Variants in PFKP observed in about 807,000 individuals in gnomAD.
PFKP encodes the protein ATP-dependent 6-phosphofructokinase, platelet type.
A neutral mutation model predicts 94.3 loss-of-function variants in PFKP; 101 were observed. The ratio of observed to expected loss-of-function variants is 1.07; its 90% confidence interval spans 0.91 to 1.26. PFKP has a LOEUF of 1.26. Among genes scored for constraint, PFKP ranks in the 50% most tolerant of loss-of-function variants. PFKP has a pLI of 0.00. For synonymous variants in PFKP, 573 were observed against 432.6 expected, an observed-to-expected ratio of 1.32 and a Z score of -4.03; for missense variants, 1,145 against 1,103.3, an observed-to-expected ratio of 1.04 and a Z score of -0.53.
chr10:3,083,935 G>A (rs778800365), intron 2 of PFKP, among the ~76,000 whole-genome samples: 9 of 152,132 alleles, frequency 5.9e-5, no homozygotes, highest in Non-Finnish European at 7.3e-5. Flanking sequence ...GAGCCGCCGC[G>A]CCCAGCCAAC....
intron 3 of PFKP, chr10:3,100,984 G>A (rs1308836150): frequency 6.2e-7 from 1 of 1,612,166 alleles, no homozygotes; most frequent in Non-Finnish European, 8.5e-7. Flanking sequence ...CCTTGTCCTG[G>A]CCGGCATGCT....
At chr10:3,093,747 C>T (rs1199062803) in intron 2 of PFKP, among the ~76,000 whole-genome samples, 1 of 149,414 alleles carries the variant, frequency 6.7e-6, no homozygotes, top group Non-Finnish European at 1.5e-5. Flanking sequence ...AGGTTCACGC[C>T]ATTCTCCCGC....
At chr10:3,078,491 A>C (rs1455687018) in intron 1 of PFKP, among the ~76,000 whole-genome samples, 2 of 152,166 alleles carry the variant, frequency 1.3e-5, no homozygotes, top group African/African-American at 4.8e-5. Context: ...CTTAGAACTA[A>C]ACAGTCTCCA....
intron 16 of PFKP, among the ~76,000 whole-genome samples, chr10:3,121,581 GTT>G (rs10528387): frequency 0.27 from 36,195 of 132,772 alleles, 4,559 homozygotes; most frequent in South Asian, 0.3. Context: ...ATAAATAACT[GTT>G]TTTTTTTTTT....
At chr10:3,101,091 T>A (rs55882340) in intron 3 of PFKP, 532,843 of 1,057,116 alleles carry the variant, frequency 0.5, 137,539 homozygotes, top group East Asian at 0.74. Context: ...GGCTGGTTCC[T>A]GCTCCATGTA....
chr10:3,116,667 T>A, intron 13 of PFKP, 109 bp from the exon 14 acceptor site: 1 of 837,788 alleles, frequency 1.2e-6, no homozygotes, highest in Admixed American at 1.8e-5. Context: ...GCCTCTCAAA[T>A]CTTTACCGGA....
At chr10:3,112,000 C>A (rs1024780525) in intron 10 of PFKP, among the ~76,000 whole-genome samples, 2 of 152,214 alleles carry the variant, frequency 1.3e-5, no homozygotes, top group African/African-American at 4.8e-5. Flanking sequence ...TAAGCAGTCC[C>A]AGGGCTCTGA....
intron 2 of PFKP, among the ~76,000 whole-genome samples, chr10:3,089,613 CTT>C (rs888013917): frequency 2.7e-5 from 4 of 150,778 alleles, no homozygotes; most frequent in Non-Finnish European, 4.4e-5. Context: ...CAATTTTACT[CTT>C]TTAGTTATTT....
At chr10:3,130,841 G>A (rs1380589074) in intron 17 of PFKP, among the ~76,000 whole-genome samples, 2 of 152,190 alleles carry the variant, frequency 1.3e-5, no homozygotes, top group Non-Finnish European at 2.9e-5. Context: ...ACAGGCATGA[G>A]CCACCGCGCC....
chr10:3,113,852 G>T lies in PFKP; in HGVS notation c.1371+334G>T, dbSNP rs146079804. On this transcript the variant is annotated intron_variant, in intron 13 of 21. Transcript: ENST00000381125. ...TGTGGTTTGTTTAAACCGGGCACTG[G>T]AGGGAAAGCAGGCAGTGTCTGGTGT... 2.6e-5 allele frequency among the ~76,000 whole-genome samples: 4 copies of T among 152,292 alleles called. No homozygotes were observed. The East Asian group carries it at 7.7e-4, about 29-fold the overall frequency.
At chr10:3,134,621 C>T (rs779341923) in intron 20 of PFKP, 39 bp downstream of exon 20, 2 of 1,306,644 alleles carry the variant, frequency 1.5e-6, no homozygotes, top group Non-Finnish European at 2.2e-6. Flanking sequence ...CCTCGTGATG[C>T]AGGCCGTCCT....
chr10:3,068,681 G>C (rs1016228940), intron 1 of PFKP: 63 of 984,912 alleles, frequency 6.4e-5, no homozygotes, highest in Non-Finnish European at 7.2e-5. Flanking sequence ...CAGGCCCCGG[G>C]TGCACGTGGG....
chr10:3,133,109 T>C, intron 18 of PFKP, 94 bp from the exon 19 acceptor site: 3 of 828,522 alleles, frequency 3.6e-6, no homozygotes, highest in Non-Finnish European at 6.3e-6. Flanking sequence ...GGTTGGGGGA[T>C]GCGGGAGTCC....
intron 16 of PFKP, among the ~76,000 whole-genome samples, chr10:3,127,312 G>A (rs942320538): frequency 6.6e-6 from 1 of 152,372 alleles, no homozygotes; most frequent in Admixed American, 6.5e-5. Flanking sequence ...ACAGCCCCCT[G>A]GGGCAGCCTG....
At chr10:3,103,366 G>T (rs573911866) in intron 4 of PFKP, among the ~76,000 whole-genome samples, 1 of 151,052 alleles carries the variant, frequency 6.6e-6, no homozygotes, top group Non-Finnish European at 1.5e-5. Flanking sequence ...ATAAAGAATC[G>T]GCCAGGGCAG....
intron 16 of PFKP, chr10:3,125,097 G>A: frequency 7.7e-7 from 1 of 1,293,856 alleles, no homozygotes; most frequent in Non-Finnish European, 1.0e-6. Flanking sequence ...GCTGCTTCAG[G>A]CTTACAAGAG....
At chr10:3,119,171 T>A (rs1175388759) in intron 15 of PFKP, among the ~76,000 whole-genome samples, 1 of 152,128 alleles carries the variant, frequency 6.6e-6, no homozygotes, top group African/African-American at 2.4e-5. Context: ...ATCTCTTGAG[T>A]CCAGAGTCCA....
chr10:3,107,806 C>G (rs995086055), intron 8 of PFKP: 2 of 1,212,366 alleles, frequency 1.6e-6, no homozygotes, highest in African/African-American at 3.2e-5. Context: ...CAGGCTTTGG[C>G]AGGCTTCGTG....
intron 1 of PFKP, among the ~76,000 whole-genome samples, chr10:3,080,206 C>T (rs1588399259): frequency 6.6e-6 from 1 of 152,082 alleles, no homozygotes. Context: ...TGGAGGAACG[C>T]GGTCATATTC....
Sources: gnomAD v4.1 joint callset for allele counts (sites outside exome capture counted in the v4.1 genomes callset) on GRCh38, gnomAD v4.1.1 for gene constraint, MANE v1.5 for transcripts, NCBI Gene and HGNC (gene_info 2026-07-23, HGNC 2026-07-21) for gene names.